The following RRBP1 variants were observed in gnomAD, a reference collection of about 807,000 sequenced individuals.
The protein encoded by RRBP1 is ribosome binding protein 1.
A neutral mutation model predicts 165.2 loss-of-function variants in RRBP1; 94 were observed. The ratio of observed to expected loss-of-function variants is 0.57; its 90% CI spans 0.48 to 0.68. The LOEUF (loss-of-function observed/expected upper bound fraction) is 0.68, where lower values mean the gene tolerates loss of function less well. Among genes scored for constraint, RRBP1 ranks in the 30% least tolerant of loss-of-function variants. The probability of loss-of-function intolerance (pLI) is 0.00; values close to 1 mark genes in which losing one functional copy is unlikely to be tolerated. For missense variants in RRBP1, 1,676 were observed against 1,763.0 expected, an observed-to-expected ratio of 0.95 and a Z score of 0.88; for synonymous variants, 680 against 714.5, an observed-to-expected ratio of 0.95 and a Z score of 0.77.
chr20:17,636,858 T>TCTG, intron 5 of RRBP1, 129 bp from the exon 6 acceptor site: 1 of 1,173,102 alleles, frequency 8.5e-7, no homozygotes, highest in South Asian at 1.4e-5. Flanking sequence ...GCTGGCCGGG[T>TCTG]TCTCAGCTAG....
chr20:17,618,795 G>A, intron 19 of RRBP1, 116 bp from the exon 20 acceptor site: 5 of 770,628 alleles, frequency 6.5e-6, no homozygotes, highest in South Asian at 1.5e-5. Flanking sequence ...CCAAAACCCT[G>A]AGGAGGGTCA....
chr20:17,655,454 T>G (rs1469745769), intron 3 of RRBP1, among the ~76,000 whole-genome samples: 3 of 152,264 alleles, frequency 2.0e-5, no homozygotes, highest in Non-Finnish European at 4.4e-5. Context: ...TCTTGAGGCA[T>G]CTAAAGAATT....
chr20:17,629,495 A>T (rs566783175), intron 9 of RRBP1, among the ~76,000 whole-genome samples: 53 of 152,256 alleles, frequency 3.5e-4, no homozygotes, highest in Admixed American at 1.3e-3. Flanking sequence ...TTGGGAGGGA[A>T]GCAGTGCCTT....
rs541106652 is a variant in RRBP1, at chr20:17,641,628, T to G, written c.2184+169A>C. 949 of 815,038 alleles carry G rather than the reference T, an allele frequency of 1.2e-3. 5 individuals carry two copies. Among genetic ancestry groups the G allele is most frequent in the African/African-American group, 6.8e-3 (405 of 59,134 alleles). The allele number at this position is 815,038 out of a possible 1,614,324, so 50.5% of individuals were successfully genotyped here. On this transcript the variant is annotated intron_variant, in intron 5 of 24. Transcript: ENST00000377813. ...ACTGCCAAGGGTGAGCTGCCGGCCC[T>G]TGGCTCTTTAGGCAGCAGATAAGCA...
At chr20:17,662,928 C>A (rs2036792955) in intron 2 of RRBP1, among the ~76,000 whole-genome samples, 1 of 152,132 alleles carries the variant, frequency 6.6e-6, no homozygotes, top group Admixed American at 6.5e-5. Flanking sequence ...GTGATCTTAG[C>A]ACCTTGGGAA....
At chr20:17,625,234 G>A (rs2035993899) in intron 12 of RRBP1, among the ~76,000 whole-genome samples, 1 of 152,114 alleles carries the variant, frequency 6.6e-6, no homozygotes. Flanking sequence ...CGTGACTCAG[G>A]CCAGGCCAAC....
chr20:17,669,188 C>T (rs749678217), intron 2 of RRBP1, among the ~76,000 whole-genome samples: 2 of 152,102 alleles, frequency 1.3e-5, no homozygotes, highest in African/African-American at 4.8e-5. Flanking sequence ...CTATTATAAG[C>T]CTTTGCTTAT....
intron 3 of RRBP1, among the ~76,000 whole-genome samples, chr20:17,650,990 C>T (rs2036546428): frequency 6.6e-6 from 1 of 152,190 alleles, no homozygotes; most frequent in African/African-American, 2.4e-5. Flanking sequence ...AGTTAACTAT[C>T]GGAGAACAAA....
Position 17,660,103 on chromosome 20 carries a change from G to A in RRBP1, c.405C>T (p.Ser135=), listed in dbSNP as rs763809710. ...TCTCCTTCTTCTTTTTGTCCTTGGGGGAGGAGGCCAGCTTCTCCTGGGGCA... is the reference window on the plus strand; with the variant it reads ...TCTCCTTCTTCTTTTTGTCCTTGGGAGAGGAGGCCAGCTTCTCCTGGGGCA... ...PAMPQEKLAS[S]PKDKKKKEKK... The change falls in exon 3 of 25, where the codon TCC becomes TCT. Residue 135 remains serine, a synonymous_variant. Transcript: ENST00000377813. 2 of 1,614,144 alleles carry A rather than the reference G, an allele frequency of 1.2e-6. No homozygotes were observed. Among genetic ancestry groups the A allele is most frequent in the Non-Finnish European group, 1.7e-6 (2 of 1,180,028 alleles).
chr20:17,628,982 G>C (rs751588749), intron 9 of RRBP1, among the ~76,000 whole-genome samples: 2 of 150,216 alleles, frequency 1.3e-5, no homozygotes, highest in Non-Finnish European at 3.0e-5. Flanking sequence ...ATCCATCCCC[G>C]ACAGAAACAG....
In RRBP1 at chr20:17,621,442, G is replaced by T; in HGVS notation, c.3414+16C>A. ...GCCTCCCAGGGATGCCCAGCTGACA[G>T]GTTCCCAATGCTCACCGTCTCCGCC... On this transcript the variant is annotated intron_variant, in intron 16 of 24. Coordinates refer to ENST00000377813, the MANE Select transcript of RRBP1 (RefSeq NM_001365613.2). The T allele has an allele frequency of 6.2e-7, 1 of 1,602,010 alleles. No homozygotes were observed. Among genetic ancestry groups the T allele is most frequent in the Non-Finnish European group, 8.5e-7 (1 of 1,172,418 alleles).
Position 17,659,298 on chromosome 20 carries a change from C to G in RRBP1, c.1210G>C (p.Gly404Arg). The G allele has an allele frequency of 6.5e-7, 1 of 1,539,222 alleles. No individual in the cohort carries two copies. The highest frequency in any genetic ancestry group is 1.5e-5 in the African/African-American group (1 of 68,848). ...GAQNQGKKAE[G>R]AQNQGKKAEG... ...GCCTTTTTGCCCTGGTTCTGGGCAC[C>G]CTCAGCCTTCTTGCCCTGGTTCTGG... The change falls in exon 3 of 25, where the codon GGT becomes CGT. Residue 404 changes from glycine (G) to arginine (R), a missense_variant. Coordinates refer to ENST00000377813, the MANE Select transcript of RRBP1 (RefSeq NM_001365613.2).
At chr20:17,663,430 T>C (rs2036808205) in intron 2 of RRBP1, among the ~76,000 whole-genome samples, 2 of 152,256 alleles carry the variant, frequency 1.3e-5, no homozygotes, top group Admixed American at 1.3e-4. Flanking sequence ...ATATATGTTT[T>C]ATAGCAGCAC....
At chr20:17,615,594 T>G in intron 22 of RRBP1, 65 bp from the exon 23 acceptor site, 1 of 1,358,980 alleles carries the variant, frequency 7.4e-7, no homozygotes, top group Non-Finnish European at 9.9e-7. Flanking sequence ...GTCAAGACCC[T>G]ACCGAGCACG....
At chr20:17,666,513 TA>T (rs2036872233) in intron 2 of RRBP1, among the ~76,000 whole-genome samples, 1 of 152,238 alleles carries the variant, frequency 6.6e-6, no homozygotes, top group African/African-American at 2.4e-5. Context: ...ATGTATAATT[TA>T]CCCAGCTATC....
In RRBP1 at chr20:17,620,219, G is replaced by A. The variant is rs2035884275; in HGVS notation, c.3579+80C>T. 3.0e-6 allele frequency: 3 copies of A among 1,010,240 alleles called. No individual in the cohort carries two copies. In the Admixed American group the frequency reaches 5.2e-5, roughly 18 times the overall value. The allele number at this position is 1,010,240 out of a possible 1,614,324, so 62.6% of individuals were successfully genotyped here. ...CACACGGTCCATGAGGAAGAAATCA[G>A]TGAAGTGTCCTCTGCATTAACGTCA... On this transcript the variant is annotated intron_variant, in intron 18 of 24. Coordinates refer to ENST00000377813, the MANE Select transcript of RRBP1 (RefSeq NM_001365613.2).
chr20:17,621,761 A>G lies in RRBP1; in HGVS notation c.3253T>C (p.Trp1085Arg). The change falls in exon 15 of 25, where the codon TGG becomes CGG. Residue 1085 changes from tryptophan (W) to arginine (R), a missense_variant. By Grantham distance (101) the Trp-to-Arg change is moderately radical. This residue lies in a region of RRBP1 where 1,184 missense variants were observed against 1,167.1 expected (regional missense o/e 1.01). Transcript: ENST00000377813. The stretch of plus-strand genomic sequence containing the variant: ...CCTTTCTCTTTGAGATCCTGCAGCC[A>G]CTCGGTGTAATTCTGCAATGAAACA... ...SVLAQQNYTE[W>R]LQDLKEKGPT... The G allele has an allele frequency of 6.2e-7, 1 of 1,613,878 alleles. No homozygotes were observed. The highest frequency in any genetic ancestry group is 8.5e-7 in the Non-Finnish European group (1 of 1,179,994).
chr20:17,664,288 G>A (rs866572896), intron 2 of RRBP1, among the ~76,000 whole-genome samples: 5 of 152,186 alleles, frequency 3.3e-5, no homozygotes, highest in Middle Eastern at 3.2e-3. Context: ...ACACGGGATC[G>A]TTCACATCCC....
chr20:17,634,326 C>A (rs531959286), intron 7 of RRBP1, among the ~76,000 whole-genome samples: 2 of 152,294 alleles, frequency 1.3e-5, no homozygotes, highest in South Asian at 4.2e-4. Context: ...CCAGGCGGAG[C>A]TGGGAAACCG....
Sources: allele counts gnomAD v4.1 joint callset (sites outside exome capture counted in the v4.1 genomes callset), GRCh38; gene constraint gnomAD v4.1.1; regional missense constraint gnomAD v4.1.1; transcripts MANE v1.5; gene names NCBI Gene and HGNC (gene_info 2026-07-23, HGNC 2026-07-21).